HS6ST2: variants seen among roughly 807,000 people sequenced by gnomAD.
HS6ST2 encodes the protein heparan sulfate 6-O-sulfotransferase 2.
Under a neutral mutation model 33.0 loss-of-function variants are expected in HS6ST2, and 17 were observed. The observed-to-expected ratio is 0.52, with a 90% CI of 0.35 to 0.77. HS6ST2 has a LOEUF of 0.77. Ranked by LOEUF, HS6ST2 falls within the 30% of genes least tolerant of loss-of-function variation. The probability of loss-of-function intolerance (pLI) is 0.01; values close to 1 mark genes in which losing one functional copy is unlikely to be tolerated. For missense variants in HS6ST2, 519 were observed against 551.7 expected (o/e 0.94, Z 0.59); for synonymous variants, 248 against 237.1 (o/e 1.05, Z -0.42).
At chrX:132,891,391 TA>T (rs1174731374) in intron 2 of HS6ST2, among the ~76,000 whole-genome samples, 7 of 104,504 alleles carry the variant, frequency 6.7e-5, no homozygotes, top group African/African-American at 2.5e-4. Flanking sequence ...TTTTTTTTTT[TA>T]TTATTATTCT....
chrX:132,842,513 T>C, intron 2 of HS6ST2, among the ~76,000 whole-genome samples: 1 of 111,696 alleles, frequency 9.0e-6, no homozygotes, highest in East Asian at 2.8e-4. Flanking sequence ...ATCAGGAAAA[T>C]ATTTTCCTTT....
chrX:132,941,025 A>G (rs2066881459), intron 2 of HS6ST2, among the ~76,000 whole-genome samples: 2 of 112,077 alleles, frequency 1.8e-5, no homozygotes, highest in Admixed American at 9.5e-5. Flanking sequence ...CCTACAATGA[A>G]TAATGGTTAC....
intron 4 of HS6ST2, among the ~76,000 whole-genome samples, chrX:132,653,724 AAAAG>A (rs994700536): frequency 5.4e-5 from 6 of 111,965 alleles, no homozygotes; most frequent in African/African-American, 1.9e-4. Context: ...AATCTGCCTT[AAAAG>A]AACTGTGCAC....
chrX:132,815,102 T>A (rs2065383000), intron 2 of HS6ST2, among the ~76,000 whole-genome samples: 1 of 112,291 alleles, frequency 8.9e-6, no homozygotes, highest in Non-Finnish European at 1.9e-5. Flanking sequence ...GTTTTAAACA[T>A]CATTTTTATA....
chrX:132,868,249 G>A (rs2066013900), intron 2 of HS6ST2, among the ~76,000 whole-genome samples: 1 of 111,976 alleles, frequency 8.9e-6, no homozygotes, highest in Admixed American at 9.5e-5. Flanking sequence ...CTAAATATAC[G>A]TGTACCCAGT....
chrX:132,681,005 T>TA (rs56407214), intron 3 of HS6ST2, among the ~76,000 whole-genome samples: 1,444 of 95,825 alleles, frequency 0.015, 30 homozygotes, highest in African/African-American at 0.048. Flanking sequence ...AACTCTGTCT[T>TA]AAAAAAAAAA....
At chrX:132,835,926 G>T (rs763595667) in intron 2 of HS6ST2, among the ~76,000 whole-genome samples, 1 of 111,627 alleles carries the variant, frequency 9.0e-6, no homozygotes, top group South Asian at 3.9e-4. Flanking sequence ...GTGGAGGGGG[G>T]AAGAAATCTG....
At chrX:132,882,299 C>A (rs1454051615) in intron 2 of HS6ST2, among the ~76,000 whole-genome samples, 23 of 110,558 alleles carry the variant, frequency 2.1e-4, no homozygotes, top group South Asian at 7.8e-4. Flanking sequence ...CTTTTATTTC[C>A]TTGAGCAGTG....
intron 2 of HS6ST2, among the ~76,000 whole-genome samples, chrX:132,929,089 AT>A (rs2066738614): frequency 9.0e-6 from 1 of 110,759 alleles, no homozygotes; most frequent in African/African-American, 3.3e-5. Flanking sequence ...GACTTTGAAA[AT>A]TTGATCTTTG....
rs767264041 is a variant in HS6ST2, at chrX:132,877,076, T to A, written c.947+79732A>T. 2.6e-3 allele frequency among the ~76,000 whole-genome samples: 289 copies of A among 112,242 alleles called. 1 individual carries two copies. Among genetic ancestry groups the A allele is most frequent in the Non-Finnish European group, 4.5e-3 (238 of 53,236 alleles). On this transcript the variant is annotated intron_variant, in intron 2 of 4. Coordinates refer to ENST00000370833, the MANE Select transcript of HS6ST2 (RefSeq NM_001394073.1). The stretch of plus-strand genomic sequence containing the variant: ...GAAGTTGGAACTAACAAGGCTACAC[T>A]TTTTTTAAGTTGCCTAATCCAAGGT...
At chrX:132,841,681 C>G (rs2065708209) in intron 2 of HS6ST2, among the ~76,000 whole-genome samples, 1 of 111,750 alleles carries the variant, frequency 8.9e-6, no homozygotes, top group Admixed American at 9.5e-5. Flanking sequence ...ACTTGATACC[C>G]AAATAGCCAG....
intron 3 of HS6ST2, among the ~76,000 whole-genome samples, chrX:132,679,265 C>T (rs552247567): frequency 6.0e-4 from 67 of 112,029 alleles, no homozygotes; most frequent in African/African-American, 2.1e-3. Context: ...CCTATAGTCA[C>T]GTAGGTTCTT....
At chrX:132,944,678 A>AG (rs1357066410) in intron 2 of HS6ST2, among the ~76,000 whole-genome samples, 1 of 111,095 alleles carries the variant, frequency 9.0e-6, no homozygotes, top group Non-Finnish European at 1.9e-5. Context: ...GGAACAGAAC[A>AG]GAGCCCTCAG....
intron 2 of HS6ST2, among the ~76,000 whole-genome samples, chrX:132,709,791 C>G (rs937688601): frequency 1.2e-5 from 1 of 82,013 alleles, no homozygotes; most frequent in African/African-American, 4.5e-5. Context: ...AAAAACAACA[C>G]AACTTTGGGT....
chrX:132,903,713 A>G (rs1329415432), intron 2 of HS6ST2, among the ~76,000 whole-genome samples: 1 of 112,281 alleles, frequency 8.9e-6, no homozygotes, highest in African/African-American at 3.2e-5. Context: ...TTTTTATTAC[A>G]TAGGATTTGT....
intron 2 of HS6ST2, among the ~76,000 whole-genome samples, chrX:132,897,134 G>T (rs2066383860): frequency 1.8e-5 from 2 of 110,839 alleles, no homozygotes; most frequent in Admixed American, 1.9e-4. Context: ...GAAGCAACAT[G>T]ACAAAACTAT....
chrX:132,879,132 C>T (rs1290538168), intron 2 of HS6ST2, among the ~76,000 whole-genome samples: 1 of 111,638 alleles, frequency 9.0e-6, no homozygotes, highest in Admixed American at 9.6e-5. Flanking sequence ...ATGCAAAACT[C>T]ACAGTTCCAA....
chrX:132,831,824 C>T (rs765848101), intron 2 of HS6ST2, among the ~76,000 whole-genome samples: 1 of 112,093 alleles, frequency 8.9e-6, no homozygotes, highest in Non-Finnish European at 1.9e-5. Flanking sequence ...AACAAGGCAG[C>T]TGTTTCTTGC....
At chrX:132,906,168 C>T (rs893871739) in intron 2 of HS6ST2, among the ~76,000 whole-genome samples, 3 of 112,655 alleles carry the variant, frequency 2.7e-5, no homozygotes, top group African/African-American at 9.7e-5. Context: ...AGTCTATCTG[C>T]CCACTTAGCT....
Sources: allele counts gnomAD v4.1 joint callset (sites outside exome capture counted in the v4.1 genomes callset), GRCh38; gene constraint gnomAD v4.1.1; transcripts MANE v1.5; gene names NCBI Gene and HGNC (gene_info 2026-07-23, HGNC 2026-07-21).